Variants in FAM91A1 observed in about 807,000 individuals in gnomAD.
FAM91A1 encodes the protein family with sequence similarity 91 member A1, also known as protein FAM91A1.
Under a neutral mutation model 113.5 loss-of-function variants are expected in FAM91A1, and 41 were observed. That is an observed-to-expected ratio of 0.36 (90% CI 0.28 to 0.47). The LOEUF (loss-of-function observed/expected upper bound fraction) is 0.47, where lower values mean the gene tolerates loss of function less well. FAM91A1 is among the 20% of genes least tolerant of loss of function. The pLI is 1.00. For synonymous variants in FAM91A1, 307 were observed against 347.9 expected, an observed-to-expected ratio of 0.88 and a Z score of 1.31; for missense variants, 696 against 1,001.2, an observed-to-expected ratio of 0.70 and a Z score of 4.11.
intron 1 of FAM91A1, among the ~76,000 whole-genome samples, chr8:123,772,652 C>G (rs1021373145): frequency 6.6e-6 from 1 of 152,150 alleles, no homozygotes; most frequent in Non-Finnish European, 1.5e-5. Flanking sequence ...TGCTGCACCC[C>G]TGTGCAGTTG....
chr8:123,778,638 C>T, intron 5 of FAM91A1, 21 bp from the exon 6 acceptor site: 1 of 1,577,098 alleles, frequency 6.3e-7, no homozygotes, highest in Non-Finnish European at 8.7e-7. Context: ...TGCAAATTCT[C>T]AAATGTTTGT....
intron 5 of FAM91A1, 65 bp downstream of exon 5, chr8:123,778,157 T>C: frequency 8.2e-7 from 1 of 1,224,752 alleles, no homozygotes. Context: ...TTTTTTTAAG[T>C]GGTAGAAATA....
chr8:123,780,156 A>C, intron 7 of FAM91A1, 81 bp downstream of exon 7: 1 of 1,181,964 alleles, frequency 8.5e-7, no homozygotes, highest in Non-Finnish European at 1.2e-6. Context: ...ATTACTTATC[A>C]AGTAGGTACA....
intron 6 of FAM91A1, 76 bp downstream of exon 6, chr8:123,778,848 T>G (rs1197178648): frequency 1.0e-6 from 1 of 999,700 alleles, no homozygotes; most frequent in South Asian, 2.5e-5. Context: ...TAGCTTATAA[T>G]TTTTTAAAAA....
chr8:123,810,183 A>G (rs542936650), intron 22 of FAM91A1, 99 bp from the exon 23 acceptor site: 3 of 1,088,468 alleles, frequency 2.8e-6, no homozygotes, highest in African/African-American at 1.6e-5. Flanking sequence ...TGGCCAGGAT[A>G]TATAGATGCA....
chr8:123,795,956 A>G (rs1265297727), intron 15 of FAM91A1, among the ~76,000 whole-genome samples: 1 of 152,230 alleles, frequency 6.6e-6, no homozygotes, highest in South Asian at 2.1e-4. Context: ...GGCCTGGGCA[A>G]CAAGAACACT....
intron 7 of FAM91A1, 141 bp downstream of exon 7, chr8:123,780,216 C>A (rs1351121929): frequency 1.4e-5 from 11 of 786,528 alleles, no homozygotes; most frequent in Non-Finnish European, 1.9e-5. Flanking sequence ...TGACCTTAGT[C>A]TTTTGTTTTC....
chr8:123,798,327 A>T, intron 16 of FAM91A1, 89 bp downstream of exon 16: 2 of 1,410,756 alleles, frequency 1.4e-6, no homozygotes, highest in Non-Finnish European at 1.9e-6. Flanking sequence ...CAACTATTAA[A>T]ATCACTGAAT....
Position 123,787,297 on chromosome 8 carries a change from C to T in FAM91A1, c.1115C>T (p.Thr372Ile), listed in dbSNP as rs1055517557. 3.1e-6 allele frequency: 5 copies of T among 1,611,686 alleles called. No homozygotes were observed. The highest frequency in any genetic ancestry group is 4.5e-5 in the East Asian group (2 of 44,882). The change falls in exon 13 of 24, where the codon ACA becomes ATA. Residue 372 changes from threonine to isoleucine, a missense_variant. Physicochemically the swap from Thr to Ile is moderately conservative, Grantham distance 89. Transcript: ENST00000334705. Reference protein sequence around the residue: ...TASVSSLSLSTGHTKRIAFLF... With the variant: ...TASVSSLSLSIGHTKRIAFLF... Reference sequence around the variant, plus strand: ...AGTGTAAGCAGCCTGAGTCTGTCTACAGGACACACGAAGCGCATCGCATTC... The same window carrying T: ...AGTGTAAGCAGCCTGAGTCTGTCTATAGGACACACGAAGCGCATCGCATTC...
chr8:123,772,116 G>A (rs901332601), intron 1 of FAM91A1, among the ~76,000 whole-genome samples: 1 of 152,164 alleles, frequency 6.6e-6, no homozygotes, highest in African/African-American at 2.4e-5. Flanking sequence ...TTACATACTT[G>A]GCCAGTGAAG....
chr8:123,788,877 G>T (rs1815318675), intron 14 of FAM91A1, among the ~76,000 whole-genome samples: 2 of 151,998 alleles, frequency 1.3e-5, no homozygotes, highest in African/African-American at 4.8e-5. Flanking sequence ...TGGATTCTTA[G>T]CTATTTTTTA....
In FAM91A1 at chr8:123,809,036, GTCATATTT is replaced by G. The variant is rs1382447649; in HGVS notation, c.2261+27_2261+34del. On this transcript the variant is annotated intron_variant, in intron 22 of 23. Coordinates refer to ENST00000334705, the MANE Select transcript of FAM91A1 (RefSeq NM_144963.4). ...AGAGAGGTGAGGGTTTATATTCGCT[GTCATATTT>G]TCATATCAATTTTTAAGCTGTCAGC... 1 of 1,606,186 alleles carries G rather than the reference GTCATATTT, an allele frequency of 6.2e-7. No homozygotes were observed. Among genetic ancestry groups the G allele is most frequent in the Non-Finnish European group, 8.5e-7 (1 of 1,175,570 alleles).
intron 18 of FAM91A1, among the ~76,000 whole-genome samples, chr8:123,804,192 A>C (rs904185129): frequency 6.6e-6 from 1 of 152,150 alleles, no homozygotes; most frequent in African/African-American, 2.4e-5. Context: ...AAACGTTATT[A>C]AAAGGTGTAG....
intron 1 of FAM91A1, among the ~76,000 whole-genome samples, chr8:123,770,398 A>G (rs80299519): frequency 0.012 from 1,778 of 152,326 alleles, 30 homozygotes; most frequent in African/African-American, 0.04. Context: ...GAGAAAGATA[A>G]ATTTAAAGAA....
rs764889315 is a variant in FAM91A1 at position 123,799,782 on chromosome 8, G to C, written c.1706G>C (p.Arg569Pro). 4 of 1,607,082 alleles carry C rather than the reference G, an allele frequency of 2.5e-6. No individual in the cohort carries two copies. The highest frequency in any genetic ancestry group is 3.4e-6 in the Non-Finnish European group (4 of 1,176,318). Residue 569 changes from arginine to proline, a missense_variant, in exon 18 of 24, where the codon CGA becomes CCA. Coordinates refer to ENST00000334705, the MANE Select transcript of FAM91A1 (RefSeq NM_144963.4). ...ATTTCTTTTCAATAGAGTTATGATC[G>C]ATTGCTAATAACATCTTGGGGTCAT... ...KLPDIFQSYDRLLITSWGHDP... is the reference protein window; with the variant it reads ...KLPDIFQSYDPLLITSWGHDP...
chr8:123,787,773 G>A, intron 14 of FAM91A1, 23 bp downstream of exon 14: 4 of 1,563,354 alleles, frequency 2.6e-6, no homozygotes, highest in Non-Finnish European at 3.5e-6. Flanking sequence ...TGCATGTAAG[G>A]GGATGTTAGG....
At chr8:123,769,786 G>C (rs558189966) in intron 1 of FAM91A1, among the ~76,000 whole-genome samples, 9 of 152,114 alleles carry the variant, frequency 5.9e-5, no homozygotes, top group Non-Finnish European at 1.3e-4. Context: ...GTAGTGATAT[G>C]GGCTACAGAT....
At chr8:123,779,919 TTTC>T (rs1815079388) in intron 6 of FAM91A1, 63 bp from the exon 7 acceptor site, 1 of 1,329,390 alleles carries the variant, frequency 7.5e-7, no homozygotes, top group African/African-American at 1.5e-5. Flanking sequence ...CATAAATAAA[TTTC>T]AGGAGACTTG....
chr8:123,782,660 A>G (rs985214261), intron 8 of FAM91A1, among the ~76,000 whole-genome samples: 2 of 152,224 alleles, frequency 1.3e-5, no homozygotes, highest in East Asian at 3.8e-4. Flanking sequence ...ATATATTTAA[A>G]TTTGCAGTTT....
Sources: allele counts gnomAD v4.1 joint callset (sites outside exome capture counted in the v4.1 genomes callset), GRCh38; gene constraint gnomAD v4.1.1; transcripts MANE v1.5; gene names NCBI Gene and HGNC (gene_info 2026-07-23, HGNC 2026-07-21).